ZNF143: variants seen among roughly 807,000 people sequenced by gnomAD.
ZNF143 encodes the protein zinc finger protein 143.
In ZNF143, 49 loss-of-function variants were observed where a neutral mutation model predicts 74.1. The ratio of observed to expected loss-of-function variants is 0.66; its 90% CI spans 0.53 to 0.84. The LOEUF is 0.84. Ranked by LOEUF, ZNF143 falls within the 40% of genes least tolerant of loss-of-function variation. ZNF143 has a pLI of 0.00. For missense variants in ZNF143, 637 were observed against 793.4 expected (o/e 0.80, Z 2.37); for synonymous variants, 304 against 282.8 (o/e 1.07, Z -0.75).
chr11:9,470,129 A>C lies in ZNF143; in HGVS notation c.-7-1173A>C, dbSNP rs145690002. ...ATTATCCCAGCTACTGTTTGAGATA[A>C]GCCATGGTCCACAGAGGTAAGGAGA... On this transcript the variant is annotated intron_variant, in intron 1 of 15. Transcript: ENST00000396602. Among the ~76,000 whole-genome samples the C allele has an allele frequency of 2.3e-3, 351 of 152,300 alleles. 7 individuals carry two copies. Among genetic ancestry groups the C allele is most frequent in the African/African-American group, 7.9e-3 (328 of 41,566 alleles).
chr11:9,497,977 C>G (rs1848025372), intron 10 of ZNF143, among the ~76,000 whole-genome samples, 177 bp downstream of exon 10: 9 of 152,118 alleles, frequency 5.9e-5, no homozygotes, highest in Admixed American at 5.9e-4. Context: ...ACTACAGGCA[C>G]CCACCACCAT....
intron 13 of ZNF143, among the ~76,000 whole-genome samples, chr11:9,513,858 G>A (rs1160475992): frequency 2.0e-5 from 3 of 152,232 alleles, no homozygotes; most frequent in Middle Eastern, 3.4e-3. Context: ...ACTACACTCC[G>A]GCCTGGACAT....
In ZNF143 at chr11:9,499,233, G is replaced by A. The variant is rs530048723; in HGVS notation, c.967+1433G>A. ...AGGGACTTCTGTAACAAATACAGAAGATTACAGTGCAAAAACAAAGCAGGA... is the reference window on the plus strand; with the variant it reads ...AGGGACTTCTGTAACAAATACAGAAAATTACAGTGCAAAAACAAAGCAGGA... On this transcript the variant is annotated intron_variant, in intron 10 of 15. Transcript: ENST00000396602. Among the ~76,000 whole-genome samples, 3 of 152,248 alleles carry A rather than the reference G, an allele frequency of 2.0e-5. No homozygotes were observed. In the East Asian group the frequency reaches 5.8e-4, roughly 29 times the overall value.
chr11:9,476,744 AT>A (rs1856918109), intron 5 of ZNF143, among the ~76,000 whole-genome samples: 1 of 45,988 alleles, frequency 2.2e-5, no homozygotes, highest in East Asian at 5.1e-4. Context: ...AAAGGGAGGA[AT>A]CTTTTTTTTT....
chr11:9,463,533 A>T (rs1041563919), intron 1 of ZNF143, among the ~76,000 whole-genome samples: 2 of 152,216 alleles, frequency 1.3e-5, no homozygotes, highest in Non-Finnish European at 2.9e-5. Flanking sequence ...ATGGTTAATA[A>T]TGTTGAGCAT....
rs1319368753 is a variant in ZNF143, at chr11:9,528,376, C to A, written c.*763C>A. The stretch of plus-strand genomic sequence containing the variant: ...AACCACAGGCTGGTGCCCGGGATAA[C>A]AGTACTGTAATTGGAAATGGCTTTA... On this transcript the variant is annotated 3_prime_UTR_variant, in exon 16 of 16. Coordinates refer to ENST00000396602, the MANE Select transcript of ZNF143 (RefSeq NM_003442.6). 1 of 152,104 alleles carries A rather than the reference C, an allele frequency of 6.6e-6. No homozygotes were observed. Among genetic ancestry groups the A allele is most frequent in the African/African-American group, 2.4e-5 (1 of 41,424 alleles). 9.4% of individuals were successfully genotyped at this position (152,104 alleles called of 1,614,324 possible). A position where few individuals can be genotyped will look rare whatever the true frequency, so the allele number is the denominator to read the frequency against.
chr11:9,474,287 A>G (rs1856756016), intron 4 of ZNF143, among the ~76,000 whole-genome samples: 2 of 152,194 alleles, frequency 1.3e-5, no homozygotes, highest in Non-Finnish European at 2.9e-5. Flanking sequence ...TGAATCTTAC[A>G]TGTCTCTCAT....
intron 1 of ZNF143, 117 bp downstream of exon 1, chr11:9,461,193 C>T (rs1438271498): frequency 5.0e-6 from 3 of 602,286 alleles, no homozygotes; most frequent in Non-Finnish European, 6.3e-6. Context: ...GCTCAGCCTC[C>T]GCCGCAGGCC....
rs1369977750 is a variant in ZNF143 at position 9,492,549 on chromosome 11, GC to G, written c.646-2095del. On this transcript the variant is annotated intron_variant, in intron 7 of 15. Coordinates refer to ENST00000396602, the MANE Select transcript of ZNF143 (RefSeq NM_003442.6). Reference sequence around the variant, plus strand: ...GGTCTGAGCCACCACGCCTGGCACAGCCTACACACTTTAAATTTACCCATTT... The same window carrying G: ...GGTCTGAGCCACCACGCCTGGCACAGCTACACACTTTAAATTTACCCATTT... Among the ~76,000 whole-genome samples, 3 of 152,244 alleles carry G rather than the reference GC, an allele frequency of 2.0e-5. No homozygotes were observed. The East Asian group carries it at 5.8e-4, about 29-fold the overall frequency.
At chr11:9,506,599 G>A (rs1217362018) in intron 11 of ZNF143, among the ~76,000 whole-genome samples, 4 of 152,196 alleles carry the variant, frequency 2.6e-5, no homozygotes, top group Non-Finnish European at 5.9e-5. Context: ...GCATCAGGGT[G>A]TATTTAAAGC....
chr11:9,513,292 G>A (rs1235414797), intron 13 of ZNF143, among the ~76,000 whole-genome samples: 1 of 152,132 alleles, frequency 6.6e-6, no homozygotes. Flanking sequence ...TGATTAATAT[G>A]CTCTGTTTTG....
At chr11:9,478,131 A>C (rs1297262742) in intron 5 of ZNF143, among the ~76,000 whole-genome samples, 1 of 152,166 alleles carries the variant, frequency 6.6e-6, no homozygotes, top group African/African-American at 2.4e-5. Context: ...CGGCCTGTTA[A>C]TGTTTTTTAA....
chr11:9,516,195 T>C lies in ZNF143; in HGVS notation c.1525-6T>C. On this transcript the variant is annotated splice_region_variant and splice_polypyrimidine_tract_variant and intron_variant, in intron 13 of 15. Coordinates refer to ENST00000396602, the MANE Select transcript of ZNF143 (RefSeq NM_003442.6). ...TGACTGCTTTGTAAAATTCACTGTA[T>C]TGCAGGTCAACATATCTCAAGCTGA... is the stretch of plus-strand genomic sequence containing the variant. 1.2e-6 allele frequency: 2 copies of C among 1,613,466 alleles called. No homozygotes were observed. Among genetic ancestry groups the C allele is most frequent in the Non-Finnish European group, 1.7e-6 (2 of 1,179,622 alleles).
intron 10 of ZNF143, 123 bp downstream of exon 10, chr11:9,497,923 C>T (rs1393120261): frequency 5.2e-5 from 34 of 652,500 alleles, no homozygotes; most frequent in Middle Eastern, 4.9e-4. Context: ...CTCCGCCTCC[C>T]GGGTTCACGC....
chr11:9,477,159 CTTCCTTCCT>C (rs1856964777), intron 5 of ZNF143, among the ~76,000 whole-genome samples: 3 of 141,384 alleles, frequency 2.1e-5, no homozygotes, highest in South Asian at 2.3e-4. Flanking sequence ...TCCTTCCTTC[CTTCCTTCCT>C]TCCTCCTCTC....
At chr11:9,475,908 ATATGTGTGTGTGTG>A (rs1460924686) in intron 5 of ZNF143, among the ~76,000 whole-genome samples, 2 of 117,630 alleles carry the variant, frequency 1.7e-5, no homozygotes, top group Non-Finnish European at 3.5e-5. Context: ...AAAAAAATAT[ATATGTGTGTGTGTG>A]TGTGTGTGTG....
chr11:9,461,451 C>G (rs1248916614), intron 1 of ZNF143, among the ~76,000 whole-genome samples: 1 of 152,162 alleles, frequency 6.6e-6, no homozygotes, highest in Non-Finnish European at 1.5e-5. Flanking sequence ...CCGCGCAGAG[C>G]GAGTCCCCAG....
At chr11:9,518,593 T>C (rs1432882545) in intron 14 of ZNF143, among the ~76,000 whole-genome samples, 2 of 152,092 alleles carry the variant, frequency 1.3e-5, no homozygotes, top group Non-Finnish European at 2.9e-5. Flanking sequence ...GCAGGGTGCC[T>C]GTAATCACAG....
chr11:9,486,439 A>ATATATATT lies in ZNF143; in HGVS notation c.645+6893_645+6894insTATATATT, dbSNP rs1343381933. Among the ~76,000 whole-genome samples, 40 of 23,132 alleles carry ATATATATT rather than the reference A, an allele frequency of 1.7e-3. 2 individuals are homozygous for ATATATATT. Among genetic ancestry groups the ATATATATT allele is most frequent in the East Asian group, 3.4e-3 (2 of 592 alleles). The allele number at this position is 23,132 out of a possible 152,430, so 15.2% of individuals were successfully genotyped here. A position where few individuals can be genotyped will look rare whatever the true frequency, so the allele number is the denominator to read the frequency against. ...TATATATTATATATATTATATATAT[A>ATATATATT]ATATATTATATATATTATATATATA... On this transcript the variant is annotated intron_variant, in intron 7 of 15. Transcript: ENST00000396602.
Sources: allele counts gnomAD v4.1 joint callset (sites outside exome capture counted in the v4.1 genomes callset), GRCh38; gene constraint gnomAD v4.1.1; transcripts MANE v1.5; gene names NCBI Gene and HGNC (gene_info 2026-07-23, HGNC 2026-07-21).